Variants in CILP observed in about 807,000 individuals in gnomAD.
The protein encoded by CILP is cartilage intermediate layer protein, also known as cartilage intermediate layer protein 1.
CILP carries 75 observed loss-of-function variants against 82.5 expected under a neutral mutation model. The ratio of observed to expected loss-of-function variants is 0.91; its 90% CI spans 0.75 to 1.10. The LOEUF (loss-of-function observed/expected upper bound fraction) is 1.10. CILP is among the 50% of genes least tolerant of loss of function. The probability of loss-of-function intolerance (pLI) is 0.00; values close to 1 mark genes in which losing one functional copy is unlikely to be tolerated. For synonymous variants in CILP, 530 were observed against 580.3 expected (o/e 0.91, Z 1.25); for missense variants, 1,479 against 1,530.8 (o/e 0.97, Z 0.56).
intron 1 of CILP, among the ~76,000 whole-genome samples, 185 bp downstream of exon 1, chr15:65,211,243 G>A (rs968708156): frequency 6.6e-6 from 1 of 152,070 alleles, no homozygotes; most frequent in Non-Finnish European, 1.5e-5. Flanking sequence ...AGGACTTTGG[G>A]CCAATGGGGG....
intron 6 of CILP, among the ~76,000 whole-genome samples, chr15:65,203,900 T>C (rs2088487894): frequency 6.6e-6 from 1 of 152,256 alleles, no homozygotes; most frequent in African/African-American, 2.4e-5. Context: ...GTATTGACCG[T>C]TAGATAAGGT....
At position 65,204,412 on chromosome 15, in the gene CILP, C is replaced by G; in HGVS notation, c.775G>C (p.Asp259His). The G allele has an allele frequency of 6.2e-7, 1 of 1,614,204 alleles. No individual in the cohort carries two copies. Among genetic ancestry groups the G allele is most frequent in the Non-Finnish European group, 8.5e-7 (1 of 1,180,024 alleles). The change falls in exon 6 of 9, where the codon GAT becomes CAT. Residue 259 changes from aspartate to histidine, a missense_variant. By Grantham distance (81) the Asp-to-His change is moderately conservative. Coordinates refer to ENST00000261883, the MANE Select transcript of CILP (RefSeq NM_003613.4). ...AAGCCAGGGATTCGGAATCTCCCAT[C>G]ACTGTCTGTCTGGGTCAGCAGCTTC... ...TPKLLTQTDSDGRFRIPGLCP... is the reference protein window; with the variant it reads ...TPKLLTQTDSHGRFRIPGLCP...
In CILP at chr15:65,205,408, G is replaced by C; in HGVS notation, c.483C>G (p.Cys161Trp). 6.2e-7 allele frequency: 1 copy of C among 1,614,078 alleles called. No individual in the cohort carries two copies. The highest frequency in any genetic ancestry group is 8.5e-7 in the Non-Finnish European group (1 of 1,180,032). The change falls in exon 5 of 9, where the codon TGC becomes TGG. Residue 161 changes from cysteine to tryptophan, a missense_variant. Coordinates refer to ENST00000261883, the MANE Select transcript of CILP (RefSeq NM_003613.4). ...CCCCAGTCTGACCACAGGCAGCTGAGCACTTGCTCCAGGGAGACCATGGGC... is the reference window on the plus strand; with the variant it reads ...CCCCAGTCTGACCACAGGCAGCTGACCACTTGCTCCAGGGAGACCATGGGC... ...IWSPWSPWSK[C>W]SAACGQTGVQ...
chr15:65,196,660 C>T lies in CILP; in HGVS notation c.*71G>A. ...AGAAGTGCTTAAATTAACCAAGTGA[C>T]AGTTTGTGCATCAGTCTCACAATGG... On this transcript the variant is annotated 3_prime_UTR_variant, in exon 9 of 9. Transcript: ENST00000261883. 7.7e-7 allele frequency: 1 copy of T among 1,302,498 alleles called. No homozygotes were observed. Among genetic ancestry groups the T allele is most frequent in the Non-Finnish European group, 1.1e-6 (1 of 951,708 alleles). 80.7% of individuals were successfully genotyped at this position (1,302,498 alleles called of 1,614,324 possible). A position where few individuals can be genotyped will look rare whatever the true frequency, so the allele number is the denominator to read the frequency against.
At chr15:65,199,152 A>G in intron 8 of CILP, 53 bp from the exon 9 acceptor site, 1 of 1,308,030 alleles carries the variant, frequency 7.6e-7, no homozygotes, top group Non-Finnish European at 1.1e-6. Context: ...TCCTACACAA[A>G]GAGTACCTCA....
Position 65,196,307 on chromosome 15 carries a change from CT to C in CILP, c.*423del, listed in dbSNP as rs2088360173. On this transcript the variant is annotated 3_prime_UTR_variant, in exon 9 of 9. Coordinates refer to ENST00000261883, the MANE Select transcript of CILP (RefSeq NM_003613.4). The stretch of plus-strand genomic sequence containing the variant: ...TTTCACCACCATTTATATGTATGAA[CT>C]ATGATCAAGGCTTGCCTATGTCCTG... The C allele has an allele frequency of 1.9e-5, 3 of 159,808 alleles. No individual in the cohort carries two copies. In the East Asian group the frequency reaches 5.5e-4, roughly 29 times the overall value. 9.9% of individuals were successfully genotyped at this position (159,808 alleles called of 1,614,324 possible).
In CILP at chr15:65,201,853, G is replaced by A; in HGVS notation, c.1186+19C>T. 2 of 1,471,204 alleles carry A rather than the reference G, an allele frequency of 1.4e-6. No homozygotes were observed. Among genetic ancestry groups the A allele is most frequent in the Non-Finnish European group, 1.8e-6 (2 of 1,108,038 alleles). 91.1% of individuals were successfully genotyped at this position (1,471,204 alleles called of 1,614,324 possible). On this transcript the variant is annotated intron_variant, in intron 8 of 8. Transcript: ENST00000261883. ...CCCTGTTGCAGACCCAGGGGCCCCA[G>A]GGACCCAGACAGGCTTACCTATGAC...
chr15:65,209,668 G>A, intron 2 of CILP, 27 bp downstream of exon 2: 1 of 1,611,440 alleles, frequency 6.2e-7, no homozygotes, highest in Non-Finnish European at 8.5e-7. Context: ...TGGAAGATTT[G>A]GGAGCCAGCA....
At position 65,209,788 on chromosome 15, in the gene CILP, G is replaced by A. The variant is rs1467289758; in HGVS notation, c.-33C>T. 4 of 1,602,390 alleles carry A rather than the reference G, an allele frequency of 2.5e-6. No homozygotes were observed. In the African/African-American group the frequency reaches 4.0e-5, roughly 16 times the overall value. On this transcript the variant is annotated 5_prime_UTR_variant, in exon 2 of 9. Coordinates refer to ENST00000261883, the MANE Select transcript of CILP (RefSeq NM_003613.4). ...CCAAGCCCGTGGGAACGTGGCAAGA[G>A]GTAGATGTGGGTGCTTCACAGAGTC... is the stretch of plus-strand genomic sequence containing the variant.
At chr15:65,204,191 C>A in intron 6 of CILP, 77 bp downstream of exon 6, 1 of 1,394,576 alleles carries the variant, frequency 7.2e-7, no homozygotes, top group African/African-American at 1.5e-5. Context: ...AGCTGGGAAG[C>A]CAGCTTTTAG....
intron 8 of CILP, among the ~76,000 whole-genome samples, chr15:65,200,333 C>CTCCATATCT (rs1201247404): frequency 6.6e-5 from 10 of 152,314 alleles, no homozygotes; most frequent in Non-Finnish European, 1.5e-4. Flanking sequence ...CTGCTGAGGG[C>CTCCATATCT]TCCATATCTC....
chr15:65,203,574 A>G, intron 6 of CILP, 104 bp from the exon 7 acceptor site: 2 of 776,198 alleles, frequency 2.6e-6, no homozygotes, highest in Non-Finnish European at 4.3e-6. Flanking sequence ...TGAAAATTAT[A>G]AGGCTTCACC....
chr15:65,199,848 G>C (rs765941941), intron 8 of CILP, among the ~76,000 whole-genome samples: 3 of 152,174 alleles, frequency 2.0e-5, no homozygotes, highest in Non-Finnish European at 4.4e-5. Flanking sequence ...TCAGAGCCTA[G>C]TATCTTTTAC....
chr15:65,206,365 T>C (rs542503980), intron 4 of CILP, among the ~76,000 whole-genome samples: 1 of 152,276 alleles, frequency 6.6e-6, no homozygotes, highest in African/African-American at 2.4e-5. Context: ...TAAAAACCCC[T>C]ATGAAGACTT....
chr15:65,204,506 A>G lies in CILP; in HGVS notation c.681T>C (p.His227=), dbSNP rs770745634. Reference sequence around the variant, plus strand: ...CACCTCCGGGAAGGGAGACAGCCCCATGAAGCATGAAGTCCTGGCACATGC... The same window carrying G: ...CACCTCCGGGAAGGGAGACAGCCCCGTGAAGCATGAAGTCCTGGCACATGC... ...DACMCQDFML[H]GAVSLPGGAP... Residue 227 remains histidine (H), a synonymous_variant, in exon 6 of 9, where the codon CAT becomes CAC. Transcript: ENST00000261883. The G allele has an allele frequency of 6.2e-7, 1 of 1,613,818 alleles. No individual in the cohort carries two copies. The highest frequency in any genetic ancestry group is 1.1e-5 in the South Asian group (1 of 91,012).
Position 65,197,791 on chromosome 15 carries a change from T to C in CILP, c.2495A>G (p.Glu832Gly). Residue 832 changes from glutamate to glycine, a missense_variant, in exon 9 of 9, where the codon GAA becomes GGA. Physicochemically the swap from Glu to Gly is moderately conservative, Grantham distance 98. Coordinates refer to ENST00000261883, the MANE Select transcript of CILP (RefSeq NM_003613.4). The stretch of plus-strand genomic sequence containing the variant: ...AGGAGAAGACTCCACTGCTTGCAGT[T>C]CCTCCCCAGCCAGGCTTGCCAAGAC... ...AYVLASLAGE[E>G]LQAVESSPKF... 1.2e-6 allele frequency: 2 copies of C among 1,613,412 alleles called. No homozygotes were observed. The highest frequency in any genetic ancestry group is 1.7e-6 in the Non-Finnish European group (2 of 1,180,018).
Position 65,197,939 on chromosome 15 carries a change from T to C in CILP, c.2347A>G (p.Arg783Gly), listed in dbSNP as rs2088394317. 6.2e-7 allele frequency: 1 copy of C among 1,614,028 alleles called. No individual in the cohort carries two copies. The highest frequency in any genetic ancestry group is 1.1e-5 in the South Asian group (1 of 91,086). ...CTAGGGTTGGACAAGAAGCCAGTTC[T>C]AGGCTCCAGGTTAATCACGGAGATC... The part of the protein sequence containing the change: ...VVISVINLEP[R>G]TGFLSNPRAW... Residue 783 changes from arginine (R) to glycine (G), a missense_variant, in exon 9 of 9, where the codon AGA (arginine) becomes GGA (glycine). Coordinates refer to ENST00000261883, the MANE Select transcript of CILP (RefSeq NM_003613.4).
Position 65,209,012 on chromosome 15 carries a change from C to CTTTTTTTTTTTTTTTTTT in CILP, c.61+665_61+682dup, listed in dbSNP as rs556369891. On this transcript the variant is annotated intron_variant, in intron 2 of 8. Coordinates refer to ENST00000261883, the MANE Select transcript of CILP (RefSeq NM_003613.4). ...TACAGCTTTAAAGGAGGGTTTTGAG[C>CTTTTTTTTTTTTTTTTTT]TTTTTTTTTTTTTTTTTTTTTTTTG... Among the ~76,000 whole-genome samples, 35 of 69,988 alleles carry CTTTTTTTTTTTTTTTTTT rather than the reference C, an allele frequency of 5.0e-4. 1 individual carries two copies. The highest frequency in any genetic ancestry group is 9.2e-4 in the South Asian group (1 of 1,088). 45.9% of individuals were successfully genotyped at this position (69,988 alleles called of 152,430 possible). A position where few individuals can be genotyped will look rare whatever the true frequency, so the allele number is the denominator to read the frequency against.
At chr15:65,200,146 T>C (rs1450835879) in intron 8 of CILP, among the ~76,000 whole-genome samples, 2 of 152,232 alleles carry the variant, frequency 1.3e-5, no homozygotes, top group African/African-American at 4.8e-5. Flanking sequence ...GATATGGGAA[T>C]ACACACTATT....
Sources: allele counts gnomAD v4.1 joint callset (sites outside exome capture counted in the v4.1 genomes callset), GRCh38; gene constraint gnomAD v4.1.1; transcripts MANE v1.5; gene names NCBI Gene and HGNC (gene_info 2026-07-23, HGNC 2026-07-21).